Variants in ERG observed in about 807,000 individuals in gnomAD.
The protein encoded by ERG is ETS transcription factor ERG.
Under a neutral mutation model 55.3 loss-of-function variants are expected in ERG, and 9 were observed. That is an observed-to-expected ratio of 0.16 (90% CI 0.10 to 0.28). The LOEUF (loss-of-function observed/expected upper bound fraction) is 0.28, where lower values mean the gene tolerates loss of function less well. ERG is among the 10% of genes least tolerant of loss of function. The pLI, the probability that ERG is intolerant of heterozygous loss-of-function variation, is 1.00. For missense variants in ERG, 434 were observed against 631.6 expected, an observed-to-expected ratio of 0.69 and a Z score of 3.35; for synonymous variants, 223 against 237.3, an observed-to-expected ratio of 0.94 and a Z score of 0.55.
chr21:38,611,299 G>A (rs981173828), intron 1 of ERG, among the ~76,000 whole-genome samples: 3 of 152,058 alleles, frequency 2.0e-5, no homozygotes, highest in Non-Finnish European at 4.4e-5. Context: ...AAGATCTCCC[G>A]AAAACATCCA....
intron 1 of ERG, among the ~76,000 whole-genome samples, chr21:38,622,435 C>CA (rs2060296700): frequency 6.7e-6 from 1 of 148,932 alleles, no homozygotes; most frequent in African/African-American, 2.5e-5. Context: ...CACACACACA[C>CA]CCCCCACACA....
At position 38,429,535 on chromosome 21, in the gene ERG, ATATATACATATGTGTATATGTACATG is replaced by A. The variant is rs1276645394; in HGVS notation, c.237-6000_237-5975del. ...TGTATATACATGTATGCACATGTAC[ATATATACATATGTGTATATGTACATG>A]TATACACATGTACATATATACATAT... On this transcript the variant is annotated intron_variant, in intron 2 of 9. Coordinates refer to ENST00000288319, the MANE Select transcript of ERG (RefSeq NM_182918.4). Among the ~76,000 whole-genome samples the A allele has an allele frequency of 2.3e-4, 19 of 83,414 alleles. 3 individuals are homozygous for A. Among genetic ancestry groups the A allele is most frequent in the African/African-American group, 4.2e-4 (11 of 26,044 alleles). The allele number at this position is 83,414 out of a possible 152,430, so 54.7% of individuals were successfully genotyped here.
At chr21:38,468,982 C>CA (rs1261630693) in intron 1 of ERG, among the ~76,000 whole-genome samples, 794 of 28,732 alleles carry the variant, frequency 0.028, 34 homozygotes, top group African/African-American at 0.088. Flanking sequence ...GACTCTGTCT[C>CA]AAAAAAAAAA....
intron 1 of ERG, among the ~76,000 whole-genome samples, chr21:38,454,924 T>C (rs1346707051): frequency 6.6e-6 from 1 of 152,202 alleles, no homozygotes; most frequent in African/African-American, 2.4e-5. Flanking sequence ...TCCAGTTCTT[T>C]TGTGGGTTTT....
chr21:38,608,180 A>G (rs1249712488), intron 1 of ERG, among the ~76,000 whole-genome samples: 1 of 152,196 alleles, frequency 6.6e-6, no homozygotes, highest in Non-Finnish European at 1.5e-5. Flanking sequence ...ATCCAGTTAT[A>G]CTCTGTTTAT....
intron 2 of ERG, chr21:38,575,623 G>A (rs1295050916): frequency 6.7e-7 from 1 of 1,499,510 alleles, no homozygotes; most frequent in Non-Finnish European, 9.3e-7. Context: ...TAGGCACAGA[G>A]GAAGGCAGAG....
the ERG span, among the ~76,000 whole-genome samples, chr21:38,369,246 A>G: frequency 0.017 from 2,556 of 152,302 alleles, 71 homozygotes; most frequent in African/African-American, 0.058. Flanking sequence ...GTGTATAAGC[A>G]TTCCTTTTTA....
intron 2 of ERG, among the ~76,000 whole-genome samples, chr21:38,530,948 A>T (rs1387485441): frequency 2.0e-5 from 3 of 152,218 alleles, no homozygotes; most frequent in Non-Finnish European, 4.4e-5. Context: ...AAGCTGCTGA[A>T]CTACAGTCAG....
intron 1 of ERG, among the ~76,000 whole-genome samples, chr21:38,649,170 C>T (rs753857005): frequency 7.2e-5 from 11 of 152,196 alleles, no homozygotes; most frequent in African/African-American, 1.2e-4. Flanking sequence ...ATTTCGCACC[C>T]GCAGATACCC....
At chr21:38,424,422 A>G (rs1989723264) in intron 2 of ERG, among the ~76,000 whole-genome samples, 1 of 152,194 alleles carries the variant, frequency 6.6e-6, no homozygotes, top group Non-Finnish European at 1.5e-5. Flanking sequence ...GACAGTGCCC[A>G]TACTGGCTAG....
In ERG at chr21:38,429,629, G is replaced by A. The variant is rs1311776596; in HGVS notation, c.237-6068C>T. On this transcript the variant is annotated intron_variant, in intron 2 of 9. Coordinates refer to ENST00000288319, the MANE Select transcript of ERG (RefSeq NM_182918.4). The stretch of plus-strand genomic sequence containing the variant: ...TACACATGTACATATATACATATGT[G>A]TATATATACATGTATACACATGTAC... Among the ~76,000 whole-genome samples, 2 of 144,848 alleles carry A rather than the reference G, an allele frequency of 1.4e-5. 1 individual carries two copies. The highest frequency in any genetic ancestry group is 3.0e-5 in the Non-Finnish European group (2 of 66,730).
intron 1 of ERG, among the ~76,000 whole-genome samples, chr21:38,642,377 A>G (rs1041074936): frequency 2.0e-5 from 3 of 152,198 alleles, no homozygotes; most frequent in African/African-American, 2.4e-5. Context: ...TATTGACACC[A>G]TCTTCTAAAG....
intron 1 of ERG, among the ~76,000 whole-genome samples, chr21:38,452,502 T>G (rs976238065): frequency 5.9e-5 from 9 of 152,248 alleles, no homozygotes; most frequent in African/African-American, 2.2e-4. Context: ...AAATACATAC[T>G]AAGATAATAA....
At position 38,382,695 on chromosome 21, in the gene ERG, T is replaced by C; in HGVS notation, c.*708A>G. 9.4e-7 allele frequency: 1 copy of C among 1,066,946 alleles called. No homozygotes were observed. 66.1% of individuals were successfully genotyped at this position (1,066,946 alleles called of 1,614,324 possible). A position where few individuals can be genotyped will look rare whatever the true frequency, so the allele number is the denominator to read the frequency against. On this transcript the variant is annotated 3_prime_UTR_variant, in exon 10 of 10. Transcript: ENST00000288319. ...CTCCTTCTCTGCCTCTTCCTCCTCCTTCTTCACCCCTCTGTCTACAATCAC... is the reference window on the plus strand; with the variant it reads ...CTCCTTCTCTGCCTCTTCCTCCTCCCTCTTCACCCCTCTGTCTACAATCAC...
chr21:38,635,201 G>T (rs1231796548), intron 1 of ERG, among the ~76,000 whole-genome samples: 1 of 152,086 alleles, frequency 6.6e-6, no homozygotes, highest in Non-Finnish European at 1.5e-5. Context: ...TTTTCCATAT[G>T]GTACTATCAT....
At chr21:38,462,709 G>A (rs965333876) in intron 1 of ERG, among the ~76,000 whole-genome samples, 3 of 152,062 alleles carry the variant, frequency 2.0e-5, no homozygotes, top group African/African-American at 2.4e-5. Flanking sequence ...TGAGAGTCGG[G>A]GGTTGGCATT....
chr21:38,615,382 T>C (rs986136281), intron 1 of ERG, among the ~76,000 whole-genome samples: 1 of 152,082 alleles, frequency 6.6e-6, no homozygotes, highest in Non-Finnish European at 1.5e-5. Flanking sequence ...TCATGGAGCC[T>C]AAAATTTCTT....
At chr21:38,628,283 A>G (rs907919436) in intron 1 of ERG, among the ~76,000 whole-genome samples, 7 of 152,112 alleles carry the variant, frequency 4.6e-5, no homozygotes, top group Non-Finnish European at 7.4e-5. Context: ...CTGTATTTAT[A>G]GTTGTTTTTC....
intron 1 of ERG, among the ~76,000 whole-genome samples, chr21:38,475,014 G>A (rs2059174786): frequency 6.6e-6 from 1 of 152,118 alleles, no homozygotes; most frequent in African/African-American, 2.4e-5. Context: ...TAAAGATGAG[G>A]AAAACTGAGA....
Sources: allele counts gnomAD v4.1 joint callset (sites outside exome capture counted in the v4.1 genomes callset), GRCh38; gene constraint gnomAD v4.1.1; transcripts MANE v1.5; gene names NCBI Gene and HGNC (gene_info 2026-07-23, HGNC 2026-07-21).